ANKRD11: variants seen among roughly 807,000 people sequenced by gnomAD.
ANKRD11 encodes ankyrin repeat domain 11, also known as ankyrin repeat domain-containing protein 11.
In ANKRD11, 17 loss-of-function variants were observed where a neutral mutation model predicts 195.7. The observed-to-expected ratio is 0.09, with a 90% CI of 0.06 to 0.13. ANKRD11 has a LOEUF of 0.13. Among genes scored for constraint, ANKRD11 ranks in the 10% least tolerant of loss-of-function variants. The pLI is 1.00. For missense variants in ANKRD11, 3,735 were observed against 3,566.1 expected (o/e 1.05, Z -1.21); for synonymous variants, 1,953 against 1,528.1 (o/e 1.28, Z -6.49).
At chr16:89,485,125 G>T (rs563478835) in intron 1 of ANKRD11, among the ~76,000 whole-genome samples, 2 of 152,088 alleles carry the variant, frequency 1.3e-5, no homozygotes, top group African/African-American at 4.8e-5. Flanking sequence ...CAGACAGGAC[G>T]GCTTACTTTT....
intron 1 of ANKRD11, among the ~76,000 whole-genome samples, chr16:89,445,058 C>T (rs1423484442): frequency 6.6e-6 from 1 of 152,212 alleles, no homozygotes; most frequent in African/African-American, 2.4e-5. Flanking sequence ...GCTCAGCATC[C>T]AGGTGTGCTG....
At chr16:89,325,049 T>C (rs1426699421) in intron 2 of ANKRD11, 1 of 156,416 alleles carries the variant, frequency 6.4e-6, no homozygotes, top group African/African-American at 2.4e-5. Flanking sequence ...TCTCTACTCA[T>C]ACTGAACACA....
chr16:89,399,690 G>A lies in ANKRD11; in HGVS notation c.-60+18594C>T, dbSNP rs974836171. 3.9e-5 allele frequency among the ~76,000 whole-genome samples: 6 copies of A among 152,154 alleles called. 1 individual carries two copies. The highest frequency in any genetic ancestry group is 1.9e-4 in the East Asian group (1 of 5,200). ...TGATGACACTGTCTCCAGGGCGGTC[G>A]CGACTATAACAAATGGCCGCTCTTG... On this transcript the variant is annotated intron_variant, in intron 2 of 12. Coordinates refer to ENST00000301030, the MANE Select transcript of ANKRD11 (RefSeq NM_013275.6).
At chr16:89,406,109 CAA>C (rs1232899595) in intron 2 of ANKRD11, among the ~76,000 whole-genome samples, 11 of 49,626 alleles carry the variant, frequency 2.2e-4, no homozygotes, top group Non-Finnish European at 3.7e-4. Flanking sequence ...GATTCCATCT[CAA>C]AAAAAAAAAA....
chr16:89,368,256 C>A (rs1168087231), intron 2 of ANKRD11, among the ~76,000 whole-genome samples: 1 of 151,538 alleles, frequency 6.6e-6, no homozygotes, highest in African/African-American at 2.4e-5. Flanking sequence ...ACTGCAGTGG[C>A]ACAATCTCGG....
intron 2 of ANKRD11, among the ~76,000 whole-genome samples, chr16:89,398,836 C>A (rs2041575046): frequency 6.6e-6 from 1 of 152,088 alleles, no homozygotes; most frequent in African/African-American, 2.4e-5. Flanking sequence ...GTGGGCTAAG[C>A]AAAGGTGCTT....
chr16:89,383,093 T>C (rs1038119575), intron 2 of ANKRD11, among the ~76,000 whole-genome samples: 1 of 152,184 alleles, frequency 6.6e-6, no homozygotes, highest in African/African-American at 2.4e-5. Context: ...CACACCACTG[T>C]AATATAGGTT....
intron 2 of ANKRD11, among the ~76,000 whole-genome samples, chr16:89,370,924 G>A (rs977645573): frequency 1.3e-5 from 2 of 152,038 alleles, no homozygotes; most frequent in African/African-American, 2.4e-5. Flanking sequence ...CCCTGCAGGC[G>A]CCACGAGACG....
chr16:89,450,248 A>C lies in ANKRD11; in HGVS notation c.-144-31880T>G, dbSNP rs2044009203. On this transcript the variant is annotated intron_variant, in intron 1 of 12. Coordinates refer to ENST00000301030, the MANE Select transcript of ANKRD11 (RefSeq NM_013275.6). Reference sequence around the variant, plus strand: ...CCGGGGAGCCAGATGCTGTCTGAAAATATGCCATCAATTCTTTCTACTCAC... The same window carrying C: ...CCGGGGAGCCAGATGCTGTCTGAAACTATGCCATCAATTCTTTCTACTCAC... Among the ~76,000 whole-genome samples, 4 of 152,150 alleles carry C rather than the reference A, an allele frequency of 2.6e-5. No individual in the cohort carries two copies. The South Asian group carries it at 8.3e-4, about 32-fold the overall frequency.
chr16:89,278,943 A>G, intron 9 of ANKRD11, 129 bp downstream of exon 9: 1 of 1,413,594 alleles, frequency 7.1e-7, no homozygotes, highest in Non-Finnish European at 9.8e-7. Context: ...GTGTCTCCTC[A>G]GGTGGCAGAA....
At chr16:89,425,216 G>A (rs1370663225) in intron 1 of ANKRD11, among the ~76,000 whole-genome samples, 1 of 152,054 alleles carries the variant, frequency 6.6e-6, no homozygotes, top group Non-Finnish European at 1.5e-5. Context: ...CTTTGCACAT[G>A]AGAAAACTGA....
Position 89,434,947 on chromosome 16 carries a change from G to A in ANKRD11, c.-144-16579C>T, listed in dbSNP as rs146749020. Among the ~76,000 whole-genome samples, 382 of 152,304 alleles carry A rather than the reference G, an allele frequency of 2.5e-3. 8 individuals are homozygous for A. In the East Asian group the frequency reaches 0.033, roughly 13 times the overall value. ...TGCGGATGGCTAGGTGAAGCAGGGCGCAGGCCCAGGTGTGAACACTCAACT... is the reference window on the plus strand; with the variant it reads ...TGCGGATGGCTAGGTGAAGCAGGGCACAGGCCCAGGTGTGAACACTCAACT... On this transcript the variant is annotated intron_variant, in intron 1 of 12. Transcript: ENST00000301030.
At chr16:89,305,100 T>G (rs1345702853) in intron 4 of ANKRD11, 106 bp downstream of exon 4, 4 of 1,510,228 alleles carry the variant, frequency 2.6e-6, no homozygotes, top group Non-Finnish European at 3.6e-6. Context: ...GGTGCTAGAG[T>G]GCGTCCCAGT....
At chr16:89,451,498 G>A (rs1412676490) in intron 1 of ANKRD11, among the ~76,000 whole-genome samples, 2 of 144,006 alleles carry the variant, frequency 1.4e-5, no homozygotes, top group African/African-American at 2.6e-5. Flanking sequence ...TGCAGACTCC[G>A]CCTCCCGAGT....
intron 11 of ANKRD11, among the ~76,000 whole-genome samples, chr16:89,273,974 G>A (rs1295101993): frequency 1.3e-5 from 2 of 152,198 alleles, no homozygotes; most frequent in Non-Finnish European, 2.9e-5. Context: ...CACAGGATGT[G>A]GGGCCTGGGG....
At chr16:89,436,495 C>G (rs2043221331) in intron 1 of ANKRD11, among the ~76,000 whole-genome samples, 1 of 152,114 alleles carries the variant, frequency 6.6e-6, no homozygotes, top group Non-Finnish European at 1.5e-5. Context: ...ACCACTGTCT[C>G]TAACAGCAAG....
chr16:89,443,056 A>C (rs1042800272), intron 1 of ANKRD11, among the ~76,000 whole-genome samples: 12 of 152,118 alleles, frequency 7.9e-5, no homozygotes, highest in Admixed American at 7.2e-4. Flanking sequence ...GCAATGGTGC[A>C]ATCTTGGCTC....
Position 89,280,617 on chromosome 16 carries a change from C to G in ANKRD11, c.5925G>C (p.Val1975=), listed in dbSNP as rs761151327. 2 of 1,613,516 alleles carry G rather than the reference C, an allele frequency of 1.2e-6. No individual in the cohort carries two copies. The highest frequency in any genetic ancestry group is 2.2e-5 in the South Asian group (2 of 91,080). ...GTSENPVSWP[V]GSDLLLKSPQ... The stretch of plus-strand genomic sequence containing the variant: ...GAGACTTCAGCAGGAGGTCCGAGCC[C>G]ACAGGCCAGCTCACAGGGTTTTCAG... The change falls in exon 9 of 13, where the codon GTG becomes GTC. Residue 1975 remains valine, a synonymous_variant. Transcript: ENST00000301030.
At position 89,283,232 on chromosome 16, in the gene ANKRD11, C is replaced by T. The variant is rs1567573871; in HGVS notation, c.3310G>A (p.Asp1104Asn). 2 of 1,613,936 alleles carry T rather than the reference C, an allele frequency of 1.2e-6. No individual in the cohort carries two copies. Among genetic ancestry groups the T allele is most frequent in the South Asian group, 2.2e-5 (2 of 91,076 alleles). ...IISEDFSEKK[D>N]DKKGKEKSWY... ...CTTTTCTCTTTGCCTTTCTTGTCAT[C>T]TTTTTTTTCAGAGAAGTCTTCTGAG... Residue 1104 changes from aspartate (D) to asparagine (N), a missense_variant, in exon 9 of 13, where the codon GAT becomes AAT. Transcript: ENST00000301030. This position sits in a 1 kb window ranked among gnomAD's most constrained non-coding sequence, Gnocchi z 4.3.
Sources: allele counts gnomAD v4.1 joint callset (sites outside exome capture counted in the v4.1 genomes callset), GRCh38; gene constraint gnomAD v4.1.1; non-coding constraint Gnocchi (gnomAD v3.1); transcripts MANE v1.5; gene names NCBI Gene and HGNC (gene_info 2026-07-23, HGNC 2026-07-21).